The following KATNAL2 variants were observed in gnomAD, a reference collection of about 807,000 sequenced individuals.
The protein encoded by KATNAL2 is katanin catalytic subunit A1 like 2, also known as katanin p60 ATPase-containing subunit A-like 2.
A neutral mutation model predicts 76.3 loss-of-function variants in KATNAL2; 52 were observed. The ratio of observed to expected loss-of-function variants is 0.68; its 90% CI spans 0.55 to 0.86. The LOEUF is 0.86. KATNAL2 is among the 40% of genes least tolerant of loss of function. KATNAL2 has a pLI of 0.00. For missense variants in KATNAL2, 660 were observed against 668.9 expected (o/e 0.99, Z 0.15); for synonymous variants, 243 against 244.2 (o/e 1.00, Z 0.05).
At chr18:46,949,945 A>G (rs141669643) in intron 3 of KATNAL2, among the ~76,000 whole-genome samples, 2 of 152,142 alleles carry the variant, frequency 1.3e-5, no homozygotes, top group African/African-American at 4.8e-5. Context: ...GGATCCTTTT[A>G]ATGCCTTTCC....
intron 4 of KATNAL2, among the ~76,000 whole-genome samples, chr18:47,048,354 G>C (rs1052094600): frequency 1.3e-5 from 2 of 152,192 alleles, no homozygotes; most frequent in Non-Finnish European, 2.9e-5. Flanking sequence ...AAGGAAAAAG[G>C]TGAGGAGGGC....
chr18:46,937,316 A>G (rs1033697171), intron 1 of KATNAL2, among the ~76,000 whole-genome samples: 4 of 152,218 alleles, frequency 2.6e-5, no homozygotes. Flanking sequence ...AAACAAAGTC[A>G]GAGAAACTGT....
At chr18:47,051,456 G>A (rs911742939) in intron 4 of KATNAL2, among the ~76,000 whole-genome samples, 1 of 145,774 alleles carries the variant, frequency 6.9e-6, no homozygotes, top group Admixed American at 6.9e-5. Flanking sequence ...GTTAAAAAAA[G>A]TTTGTAAAAA....
At chr18:46,930,026 C>T (rs1029127970) in intron 1 of KATNAL2, among the ~76,000 whole-genome samples, 3 of 151,898 alleles carry the variant, frequency 2.0e-5, no homozygotes, top group Middle Eastern at 3.2e-3. Context: ...CCGCCCTCGT[C>T]GACCCCCAAA....
At chr18:47,086,467 C>T (rs1007543799) in intron 15 of KATNAL2, among the ~76,000 whole-genome samples, 4 of 152,184 alleles carry the variant, frequency 2.6e-5, no homozygotes, top group African/African-American at 9.6e-5. Flanking sequence ...AGACACCCAC[C>T]ACCATGCCCA....
intron 10 of KATNAL2, 152 bp from the exon 11 acceptor site, chr18:47,066,869 A>ACATGTG (rs2061820955): frequency 3.7e-5 from 3 of 80,078 alleles, no homozygotes; most frequent in African/African-American, 1.4e-4. Context: ...ATATATATAT[A>ACATGTG]TATATATATA....
At chr18:46,920,575 A>G (rs1206786464) in intron 1 of KATNAL2, among the ~76,000 whole-genome samples, 1 of 152,212 alleles carries the variant, frequency 6.6e-6, no homozygotes, top group Non-Finnish European at 1.5e-5. Context: ...GTTGCAATAG[A>G]AAGAATTCTG....
At chr18:46,945,810 T>A (rs1191267500) in intron 1 of KATNAL2, among the ~76,000 whole-genome samples, 1 of 152,230 alleles carries the variant, frequency 6.6e-6, no homozygotes, top group Admixed American at 6.5e-5. Context: ...TGGTCAACAA[T>A]TTCACATGGT....
intron 3 of KATNAL2, among the ~76,000 whole-genome samples, chr18:47,042,123 C>T (rs556211698): frequency 1.3e-5 from 2 of 152,254 alleles, no homozygotes; most frequent in South Asian, 4.2e-4. Context: ...CAGATACGTC[C>T]TTTGCAACTA....
intron 6 of KATNAL2, among the ~76,000 whole-genome samples, chr18:47,056,820 A>C (rs908230283): frequency 7.9e-6 from 1 of 126,524 alleles, no homozygotes; most frequent in Non-Finnish European, 1.7e-5. Context: ...ACACACACAC[A>C]AACACATAAA....
chr18:46,950,710 G>A (rs1175571883), intron 3 of KATNAL2, among the ~76,000 whole-genome samples: 1 of 152,026 alleles, frequency 6.6e-6, no homozygotes, highest in African/African-American at 2.4e-5. Flanking sequence ...TTGAGACAGA[G>A]TTTCACTCTT....
chr18:46,946,307 G>T lies in KATNAL2; in HGVS notation c.-259G>T. 1 of 1,047,962 alleles carries T rather than the reference G, an allele frequency of 9.5e-7. No individual in the cohort carries two copies. The allele number at this position is 1,047,962 out of a possible 1,614,324, so 64.9% of individuals were successfully genotyped here. ...TGTGAAAGGAATTGGAGGAGAAGGGGAAGTTTGGTGATGCACAGTTTGCAT... is the reference window on the plus strand; with the variant it reads ...TGTGAAAGGAATTGGAGGAGAAGGGTAAGTTTGGTGATGCACAGTTTGCAT... On this transcript the variant is annotated 5_prime_UTR_variant, in exon 2 of 18. An upstream open reading frame in the 5' UTR gains an earlier in-frame stop. Transcript: ENST00000683218.
chr18:46,952,319 C>T (rs2059581730), intron 3 of KATNAL2, among the ~76,000 whole-genome samples: 1 of 151,698 alleles, frequency 6.6e-6, no homozygotes, highest in Admixed American at 6.6e-5. Flanking sequence ...AAGTGATCTT[C>T]CCCCACCCAC....
rs371186533 is a variant in KATNAL2, at chr18:47,033,737, C to T, written c.52-12720C>T. On this transcript the variant is annotated intron_variant, in intron 3 of 17. Transcript: ENST00000683218. ...GAGCCCGAGTACACCGGCATCTTAG[C>T]ATTCACTCTGCGTCCAGGGAAAGCA... 1.2e-5 allele frequency: 19 copies of T among 1,614,208 alleles called. No homozygotes were observed. The African/African-American group carries it at 2.4e-4, about 20-fold the overall frequency.
intron 3 of KATNAL2, chr18:47,032,937 C>T: frequency 6.2e-7 from 1 of 1,611,376 alleles, no homozygotes; most frequent in Non-Finnish European, 8.5e-7. Flanking sequence ...TTTCGTTCCC[C>T]AACCCGCATT....
At chr18:46,922,055 A>C (rs1040367954) in intron 1 of KATNAL2, among the ~76,000 whole-genome samples, 1 of 151,816 alleles carries the variant, frequency 6.6e-6, no homozygotes, top group Admixed American at 6.6e-5. Flanking sequence ...TACCAAAACT[A>C]GTATCAAGGA....
In KATNAL2 at chr18:47,031,732, G is replaced by A. The variant is rs375955042; in HGVS notation, c.52-14725G>A. Among the ~76,000 whole-genome samples the A allele has an allele frequency of 1.6e-4, 24 of 152,226 alleles. No individual in the cohort carries two copies. In the East Asian group the frequency reaches 4.2e-3, roughly 27 times the overall value. ...TACCTTATGTGATCCACCCACCTCG[G>A]CCTCCCAAAGTGCTGAGGTAGGGCC... On this transcript the variant is annotated intron_variant, in intron 3 of 17. Transcript: ENST00000683218.
At chr18:47,061,251 C>T (rs560428588) in intron 8 of KATNAL2, among the ~76,000 whole-genome samples, 1 of 152,278 alleles carries the variant, frequency 6.6e-6, no homozygotes, top group South Asian at 2.1e-4. Flanking sequence ...TTATTTGACT[C>T]ATAGTTCTAT....
In KATNAL2 at chr18:46,950,964, G is replaced by A. The variant is rs559707266; in HGVS notation, c.51+4041G>A. Among the ~76,000 whole-genome samples the A allele has an allele frequency of 2.0e-3, 312 of 152,238 alleles. 1 individual carries two copies. The highest frequency in any genetic ancestry group is 6.8e-3 in the African/African-American group (284 of 41,540). ...CTCCCAAAGTGCTGGGATTACAGGC[G>A]TGAGCCACCGTGCCCGGCGATGTTC... On this transcript the variant is annotated intron_variant, in intron 3 of 17. Transcript: ENST00000683218.
Sources: allele counts gnomAD v4.1 joint callset (sites outside exome capture counted in the v4.1 genomes callset), GRCh38; gene constraint gnomAD v4.1.1; transcripts MANE v1.5; gene names NCBI Gene and HGNC (gene_info 2026-07-23, HGNC 2026-07-21).